The following DDIAS variants were observed in gnomAD, a reference collection of about 807,000 sequenced individuals.
The protein encoded by DDIAS is DNA damage-induced apoptosis suppressor protein.
DDIAS carries 14 observed loss-of-function variants against 15.7 expected under a neutral mutation model. The ratio of observed to expected loss-of-function variants is 0.89; its 90% confidence interval spans 0.59 to 1.39. The LOEUF is 1.39. DDIAS is among the 40% of genes most tolerant of loss of function. The pLI is 0.00. For missense variants in DDIAS, 1,035 were observed against 1,130.9 expected, an observed-to-expected ratio of 0.92 and a Z score of 1.22; for synonymous variants, 355 against 395.9, an observed-to-expected ratio of 0.90 and a Z score of 1.23.
At chr11:82,922,291 C>A (rs1323117852) in intron 3 of DDIAS, among the ~76,000 whole-genome samples, 1 of 152,188 alleles carries the variant, frequency 6.6e-6, no homozygotes, top group Admixed American at 6.5e-5. Flanking sequence ...CTCAATTATT[C>A]ACCCAAATAT....
At chr11:82,925,883 G>A (rs1200384380) in intron 3 of DDIAS, among the ~76,000 whole-genome samples, 1 of 150,762 alleles carries the variant, frequency 6.6e-6, no homozygotes, top group African/African-American at 2.4e-5. Context: ...AGCTAATCGG[G>A]AGGCTGAGGC....
chr11:82,915,165 G>A (rs529260340), intron 3 of DDIAS, among the ~76,000 whole-genome samples: 55 of 152,288 alleles, frequency 3.6e-4, no homozygotes, highest in African/African-American at 1.3e-3. Flanking sequence ...TAGGAGACTT[G>A]TGTTTATTCT....
At position 82,929,432 on chromosome 11, in the gene DDIAS, G is replaced by T. The variant is rs570356114; in HGVS notation, c.275+494G>T. ...ATTAAAGCTTTTCTTGGCCGGGCGC[G>T]GTAGCTCACGCCTGTAATCCCAGCG... is the stretch of plus-strand genomic sequence containing the variant. On this transcript the variant is annotated intron_variant, in intron 4 of 5. Coordinates refer to ENST00000533655, the MANE Select transcript of DDIAS (RefSeq NM_145018.4). Among the ~76,000 whole-genome samples, 61 of 152,294 alleles carry T rather than the reference G, an allele frequency of 4.0e-4. 1 individual carries two copies. The highest frequency in any genetic ancestry group is 1.3e-3 in the African/African-American group (55 of 41,564).
chr11:82,921,970 T>C (rs997520155), intron 3 of DDIAS, among the ~76,000 whole-genome samples: 1 of 152,214 alleles, frequency 6.6e-6, no homozygotes, highest in Non-Finnish European at 1.5e-5. Flanking sequence ...ATATATGATG[T>C]TTAGTTTCAC....
In DDIAS at chr11:82,921,921, C is replaced by T. The variant is rs577784961; in HGVS notation, c.114-6856C>T. 5.3e-5 allele frequency among the ~76,000 whole-genome samples: 8 copies of T among 152,238 alleles called. No homozygotes were observed. The East Asian group carries it at 1.2e-3, about 22-fold the overall frequency. On this transcript the variant is annotated intron_variant, in intron 3 of 5. Transcript: ENST00000533655. ...GTGGTTTGGTAGTAGCAGATTCTCT[C>T]AGCATTTGTTTGTCTGAGAAAGACT...
chr11:82,925,272 TCA>T (rs1860835772), intron 3 of DDIAS, among the ~76,000 whole-genome samples: 1 of 152,180 alleles, frequency 6.6e-6, no homozygotes, highest in Non-Finnish European at 1.5e-5. Flanking sequence ...TTTTAATTTC[TCA>T]CTTTCATTTA....
chr11:82,929,470 G>T (rs1339435574), intron 4 of DDIAS, among the ~76,000 whole-genome samples: 1 of 152,168 alleles, frequency 6.6e-6, no homozygotes, highest in East Asian at 1.9e-4. Flanking sequence ...TTGGGAGGCC[G>T]AGGCGGGCGG....
rs374469651 is a variant in DDIAS, at chr11:82,910,726, C to T, written c.-116-2561C>T. ...TACCTCCTGGGCTCAGGTGATCCTC[C>T]CACCTCAGCCTCCCAAGTAGCTGGG... On this transcript the variant is annotated intron_variant, in intron 1 of 5. Transcript: ENST00000533655. Among the ~76,000 whole-genome samples the T allele has an allele frequency of 1.7e-4, 25 of 151,514 alleles. No homozygotes were observed. In the East Asian group the frequency reaches 4.7e-3, roughly 28 times the overall value.
chr11:82,904,101 G>A (rs1860380771), intron 1 of DDIAS, among the ~76,000 whole-genome samples: 1 of 152,158 alleles, frequency 6.6e-6, no homozygotes, highest in Non-Finnish European at 1.5e-5. Flanking sequence ...ATCAGATAAT[G>A]TTGCAAAAGC....
intron 1 of DDIAS, among the ~76,000 whole-genome samples, chr11:82,910,319 G>T: frequency 7.1e-6 from 1 of 141,156 alleles, no homozygotes; most frequent in South Asian, 2.2e-4. Flanking sequence ...TTCACTCTGT[G>T]GCCCAGGCTG....
chr11:82,902,618 C>T (rs1435529953), intron 1 of DDIAS, among the ~76,000 whole-genome samples: 3 of 152,136 alleles, frequency 2.0e-5, no homozygotes, highest in African/African-American at 7.2e-5. Flanking sequence ...AGTGGTTTTC[C>T]ACCGCTCCAG....
intron 3 of DDIAS, among the ~76,000 whole-genome samples, chr11:82,918,166 A>T (rs1860668832): frequency 6.6e-6 from 1 of 151,958 alleles, no homozygotes; most frequent in African/African-American, 2.4e-5. Context: ...TTTTTATTGC[A>T]TTTGCTTTTG....
chr11:82,928,504 G>C (rs1210250708), intron 3 of DDIAS, among the ~76,000 whole-genome samples: 1 of 151,462 alleles, frequency 6.6e-6, no homozygotes, highest in Non-Finnish European at 1.5e-5. Context: ...CGGCCTTTTC[G>C]TCCTCTCTTT....
chr11:82,926,989 CATA>C (rs1860876186), intron 3 of DDIAS, among the ~76,000 whole-genome samples: 2 of 152,062 alleles, frequency 1.3e-5, no homozygotes, highest in Non-Finnish European at 2.9e-5. Flanking sequence ...GTTATCATAT[CATA>C]ATATCAGAAC....
intron 2 of DDIAS, chr11:82,913,937 CT>C (rs746855090): frequency 1.2e-3 from 478 of 413,440 alleles, no homozygotes; most frequent in Admixed American, 2.3e-3. Context: ...TTATACAATA[CT>C]TTTTTTTTTC....
chr11:82,931,802 G>A lies in DDIAS; in HGVS notation c.464G>A (p.Arg155Lys), dbSNP rs765557165. ...NFLQQCSDHK[R>K]KAKALVACQI... ...TTACAGCAATGCTCTGACCACAAAA[G>A]AAAAGCCAAAGCACTAGTGGCTTGC... The change falls in exon 6 of 6, where the codon AGA becomes AAA. Residue 155 changes from arginine (R) to lysine (K), a missense_variant. Transcript: ENST00000533655. 1 of 1,614,194 alleles carries A rather than the reference G, an allele frequency of 6.2e-7. No individual in the cohort carries two copies. Among genetic ancestry groups the A allele is most frequent in the East Asian group, 2.2e-5 (1 of 44,890 alleles).
intron 3 of DDIAS, among the ~76,000 whole-genome samples, chr11:82,923,838 A>G (rs1474128914): frequency 6.6e-6 from 1 of 152,220 alleles, no homozygotes; most frequent in East Asian, 1.9e-4. Context: ...GTACAAAGTT[A>G]GTTCGGTCCT....
At chr11:82,930,746 T>TA (rs551775609) in intron 5 of DDIAS, among the ~76,000 whole-genome samples, 3,108 of 136,974 alleles carry the variant, frequency 0.023, 118 homozygotes, top group African/African-American at 0.077. Flanking sequence ...TAGAAGAAGT[T>TA]AAAAAAAAAA....
At position 82,928,177 on chromosome 11, in the gene DDIAS, C is replaced by CTTT. The variant is rs541845327; in HGVS notation, c.114-563_114-561dup. Among the ~76,000 whole-genome samples the CTTT allele has an allele frequency of 2.2e-3, 74 of 34,200 alleles. 25 individuals carry two copies. Among genetic ancestry groups the CTTT allele is most frequent in the Non-Finnish European group, 3.1e-3 (56 of 17,854 alleles). The allele number at this position is 34,200 out of a possible 152,430, so 22.4% of individuals were successfully genotyped here. ...ATATTTTGAGATTATTTTTTGTCCTCTTTTTTTTTTTTTTTTTTTTTTTTT... is the reference window on the plus strand; with the variant it reads ...ATATTTTGAGATTATTTTTTGTCCTCTTTTTTTTTTTTTTTTTTTTTTTTTTTT... On this transcript the variant is annotated intron_variant, in intron 3 of 5. Coordinates refer to ENST00000533655, the MANE Select transcript of DDIAS (RefSeq NM_145018.4).
Sources: gnomAD v4.1 joint callset for allele counts (sites outside exome capture counted in the v4.1 genomes callset) on GRCh38, gnomAD v4.1.1 for gene constraint, MANE v1.5 for transcripts, NCBI Gene and HGNC (gene_info 2026-07-23, HGNC 2026-07-21) for gene names.